Variants in IPCEF1 observed in about 807,000 individuals in gnomAD.
IPCEF1 encodes interactor protein for cytohesin exchange factors 1.
A neutral mutation model predicts 50.9 loss-of-function variants in IPCEF1; 31 were observed. The ratio of observed to expected loss-of-function variants is 0.61; its 90% CI spans 0.46 to 0.82. The LOEUF (loss-of-function observed/expected upper bound fraction) is 0.82, where lower values mean the gene tolerates loss of function less well. IPCEF1 is among the 40% of genes least tolerant of loss of function. The pLI, the probability that IPCEF1 is intolerant of heterozygous loss-of-function variation, is 0.00. For synonymous variants in IPCEF1, 181 were observed against 192.0 expected (o/e 0.94, Z 0.47); for missense variants, 458 against 514.0 (o/e 0.89, Z 1.05).
At chr6:154,164,574 A>T (rs192722976) in intron 11 of IPCEF1, among the ~76,000 whole-genome samples, 78 of 152,298 alleles carry the variant, frequency 5.1e-4, no homozygotes, top group African/African-American at 1.8e-3. Flanking sequence ...GCAGGCAAGC[A>T]AGGTTTGGCA....
chr6:154,159,530 A>G lies in IPCEF1; in HGVS notation c.*298T>C, dbSNP rs2128545615. 1 of 392,272 alleles carries G rather than the reference A, an allele frequency of 2.5e-6. No individual in the cohort carries two copies. The highest frequency in any genetic ancestry group is 6.0e-5 in the East Asian group (1 of 16,764). 24.3% of individuals were successfully genotyped at this position (392,272 alleles called of 1,614,324 possible). A position where few individuals can be genotyped will look rare whatever the true frequency, so the allele number is the denominator to read the frequency against. On this transcript the variant is annotated 3_prime_UTR_variant, in exon 12 of 12. Transcript: ENST00000367220. ...GCATTCTCTGGAGAGCAATGAACAG[A>G]AGAGACATTTCTCACATCCCCCCTA...
intron 5 of IPCEF1, among the ~76,000 whole-genome samples, chr6:154,227,341 C>T (rs936496867): frequency 1.8e-4 from 28 of 152,132 alleles, no homozygotes; most frequent in African/African-American, 5.6e-4. Flanking sequence ...TACAATAAAT[C>T]GATCTCAAAT....
At chr6:154,228,720 C>T (rs1279177620) in intron 5 of IPCEF1, among the ~76,000 whole-genome samples, 2 of 152,154 alleles carry the variant, frequency 1.3e-5, no homozygotes, top group African/African-American at 2.4e-5. Flanking sequence ...GTATTTGTCT[C>T]CTTTAAACAC....
intron 2 of IPCEF1, among the ~76,000 whole-genome samples, chr6:154,285,853 A>C (rs890321424): frequency 2.6e-5 from 4 of 152,216 alleles, no homozygotes; most frequent in Admixed American, 6.5e-5. Flanking sequence ...GTACTGGAAA[A>C]AGTCCATTGA....
chr6:154,294,697 C>A (rs1429734817), intron 1 of IPCEF1, among the ~76,000 whole-genome samples: 1 of 152,108 alleles, frequency 6.6e-6, no homozygotes, highest in African/African-American at 2.4e-5. Flanking sequence ...CCCTGTTTCC[C>A]TTTTTATTTC....
At chr6:154,225,930 T>A (rs1779211843) in intron 5 of IPCEF1, among the ~76,000 whole-genome samples, 1 of 152,182 alleles carries the variant, frequency 6.6e-6, no homozygotes, top group Non-Finnish European at 1.5e-5. Flanking sequence ...CCATCTACTG[T>A]TTTTAGTCCT....
intron 1 of IPCEF1, among the ~76,000 whole-genome samples, chr6:154,319,594 C>T (rs1166890640): frequency 6.6e-6 from 1 of 152,226 alleles, no homozygotes; most frequent in African/African-American, 2.4e-5. Context: ...TCAATCATTG[C>T]TTTCCAAGCC....
At chr6:154,284,156 GA>G (rs1782296676) in intron 2 of IPCEF1, among the ~76,000 whole-genome samples, 1 of 152,114 alleles carries the variant, frequency 6.6e-6, no homozygotes, top group Non-Finnish European at 1.5e-5. Flanking sequence ...TTTTGTTGGG[GA>G]AAAAAGAAAG....
chr6:154,195,368 C>T (rs904456320), intron 10 of IPCEF1, among the ~76,000 whole-genome samples: 1 of 152,010 alleles, frequency 6.6e-6, no homozygotes, highest in Non-Finnish European at 1.5e-5. Flanking sequence ...AGGATGGTCT[C>T]GATCTCCTGA....
chr6:154,195,205 T>G (rs544325982), intron 10 of IPCEF1, among the ~76,000 whole-genome samples: 1 of 148,528 alleles, frequency 6.7e-6, no homozygotes, highest in Admixed American at 6.8e-5. Flanking sequence ...TGGAGTGCAG[T>G]GGCACGATCT....
chr6:154,244,301 G>GGTGTGTGTGT (rs10674508), intron 5 of IPCEF1, among the ~76,000 whole-genome samples: 8 of 147,960 alleles, frequency 5.4e-5, no homozygotes, highest in African/African-American at 1.7e-4. Context: ...TGTGTGGGTG[G>GGTGTGTGTGT]GTGTGTGTGT....
At chr6:154,220,870 G>A (rs1483600663) in intron 7 of IPCEF1, among the ~76,000 whole-genome samples, 2 of 152,192 alleles carry the variant, frequency 1.3e-5, no homozygotes, top group South Asian at 2.1e-4. Context: ...GAATCATCAC[G>A]ATAATCACAC....
intron 3 of IPCEF1, 127 bp from the exon 4 acceptor site, chr6:154,247,615 CA>C: frequency 1.5e-6 from 1 of 676,126 alleles, no homozygotes; most frequent in Non-Finnish European, 2.5e-6. Flanking sequence ...ACTCTCCAGG[CA>C]GAGCTTAACG....
At chr6:154,219,239 G>A (rs756566521) in intron 7 of IPCEF1, 2 of 152,214 alleles carry the variant, frequency 1.3e-5, no homozygotes, top group Non-Finnish European at 2.9e-5. Flanking sequence ...TACTGTGTAG[G>A]AGGAGAAATT....
chr6:154,227,003 C>A (rs1737042891), intron 5 of IPCEF1, among the ~76,000 whole-genome samples: 1 of 151,926 alleles, frequency 6.6e-6, no homozygotes, highest in South Asian at 2.1e-4. Context: ...TTGAGACTAG[C>A]CTGGCCAACA....
At chr6:154,275,191 C>G (rs537336178) in intron 2 of IPCEF1, among the ~76,000 whole-genome samples, 1 of 152,268 alleles carries the variant, frequency 6.6e-6, no homozygotes, top group Non-Finnish European at 1.5e-5. Flanking sequence ...CCAAGCTAGC[C>G]GTATGCTGAA....
chr6:154,338,286 C>A (rs1783831209), intron 1 of IPCEF1, among the ~76,000 whole-genome samples: 1 of 151,946 alleles, frequency 6.6e-6, no homozygotes, highest in Admixed American at 6.6e-5. Context: ...GTCATAGATA[C>A]CAAACATACT....
intron 1 of IPCEF1, among the ~76,000 whole-genome samples, chr6:154,340,534 G>C (rs1000317489): frequency 1.3e-5 from 2 of 151,964 alleles, no homozygotes; most frequent in Non-Finnish European, 2.9e-5. Flanking sequence ...TTACAGGCAT[G>C]AGCCACTGCG....
intron 1 of IPCEF1, among the ~76,000 whole-genome samples, chr6:154,305,917 G>A (rs936727597): frequency 2.0e-5 from 3 of 152,224 alleles, no homozygotes; most frequent in African/African-American, 7.2e-5. Flanking sequence ...TTTGGCCACT[G>A]TCTAAGGGCC....
Sources: allele counts gnomAD v4.1 joint callset (sites outside exome capture counted in the v4.1 genomes callset), GRCh38; gene constraint gnomAD v4.1.1; transcripts MANE v1.5; gene names NCBI Gene and HGNC (gene_info 2026-07-23, HGNC 2026-07-21).